Variants in POLR1C observed in about 807,000 individuals in gnomAD.
POLR1C encodes RNA polymerase I and III subunit C.
POLR1C carries 42 observed loss-of-function variants against 38.3 expected under a neutral mutation model. The ratio of observed to expected loss-of-function variants is 1.10; its 90% confidence interval spans 0.86 to 1.42. The LOEUF (loss-of-function observed/expected upper bound fraction) is 1.42. POLR1C is among the 40% of genes most tolerant of loss of function. POLR1C has a pLI of 0.00. For missense variants in POLR1C, 507 were observed against 450.5 expected (o/e 1.13, Z -1.14); for synonymous variants, 163 against 163.9 (o/e 0.99, Z 0.04).
intron 10 of POLR1C, chr6:43,555,583 C>A: frequency 3.4e-6 from 1 of 291,858 alleles, no homozygotes; most frequent in East Asian, 6.1e-5. Flanking sequence ...TTGGTTGATT[C>A]TGTTAGAAAT....
chr6:43,553,526 TACACACAC>T (rs111634867), intron 10 of POLR1C: 32 of 1,448,022 alleles, frequency 2.2e-5, no homozygotes, highest in Admixed American at 1.5e-4. Flanking sequence ...CACACACACA[TACACACAC>T]ACACACACAC....
intron 8 of POLR1C, chr6:43,528,303 G>A: frequency 1.6e-6 from 2 of 1,288,858 alleles, no homozygotes; most frequent in Admixed American, 2.0e-5. Context: ...AATTAGCCAA[G>A]GATGATTCTA....
downstream of POLR1C, chr6:43,531,423 T>C: frequency 6.6e-7 from 1 of 1,521,346 alleles, no homozygotes; most frequent in Non-Finnish European, 9.1e-7. Flanking sequence ...CCATGGACAT[T>C]CCTATACAAT....
intron 10 of POLR1C, among the ~76,000 whole-genome samples, chr6:43,557,043 G>A (rs370871763): frequency 1.3e-4 from 20 of 150,540 alleles, no homozygotes; most frequent in East Asian, 9.8e-4. Context: ...CAGAAAAATC[G>A]CTTGAACCTC....
chr6:43,544,669 TAATGCTA>T (rs1011339956), intron 9 of POLR1C, among the ~76,000 whole-genome samples: 2 of 152,132 alleles, frequency 1.3e-5, no homozygotes, highest in African/African-American at 4.8e-5. Flanking sequence ...TTCACACTTG[TAATGCTA>T]GCACTTTGGG....
At chr6:43,539,999 A>G (rs143638124) in intron 9 of POLR1C, among the ~76,000 whole-genome samples, 8 of 152,378 alleles carry the variant, frequency 5.3e-5, no homozygotes, top group Non-Finnish European at 1.0e-4. Flanking sequence ...TCACGCCTAT[A>G]ATCCCAATAC....
intron 2 of POLR1C, among the ~76,000 whole-genome samples, chr6:43,518,270 TGATGGTA>T (rs1561856457): frequency 6.6e-6 from 1 of 152,188 alleles, no homozygotes; most frequent in Non-Finnish European, 1.5e-5. Flanking sequence ...GAACTAAGAC[TGATGGTA>T]GAAATAGAGC....
At chr6:43,520,869 C>T in intron 7 of POLR1C, 63 bp from the exon 8 acceptor site, 1 of 1,599,288 alleles carries the variant, frequency 6.3e-7, no homozygotes, top group Non-Finnish European at 8.6e-7. Flanking sequence ...AAAGTATAAC[C>T]TGGTTTGCTA....
At position 43,521,248 on chromosome 6, in the gene POLR1C, T is replaced by TG. The variant is rs754344123; in HGVS notation, c.993dup (p.Lys332GlufsTer8). On this transcript the variant is annotated frameshift_variant, in exon 9 of 9. Transcript: ENST00000642195. LOFTEE classifies it high-confidence loss of function. ...GTGAGTGAAGCCATCAAAGTACTGA[T>TG]GGGGAAGTGCCGGCGCTTCTTGGAT... The TG allele has an allele frequency of 1.9e-6, 3 of 1,613,442 alleles. No individual in the cohort carries two copies. The highest frequency in any genetic ancestry group is 2.2e-5 in the South Asian group (2 of 91,036).
chr6:43,558,712 G>T, intron 10 of POLR1C: 1 of 703,826 alleles, frequency 1.4e-6, no homozygotes, highest in Non-Finnish European at 2.3e-6. Flanking sequence ...ATGAGATATT[G>T]TATGGTAAAT....
intron 9 of POLR1C, chr6:43,549,531 G>A: frequency 6.2e-7 from 1 of 1,613,244 alleles, no homozygotes; most frequent in Non-Finnish European, 8.5e-7. Context: ...TGATGATGGA[G>A]GAACAAGCAT....
downstream of POLR1C, chr6:43,531,499 G>A (rs1403223030): frequency 1.2e-6 from 2 of 1,613,924 alleles, no homozygotes; most frequent in East Asian, 2.2e-5. Context: ...AGAGGGTAGA[G>A]AAGAAACGCT....
At chr6:43,546,110 A>G (rs1794952686) in intron 9 of POLR1C, among the ~76,000 whole-genome samples, 1 of 152,208 alleles carries the variant, frequency 6.6e-6, no homozygotes, top group African/African-American at 2.4e-5. Context: ...TCCTTTGTTT[A>G]GCATGTTCAG....
At chr6:43,519,893 A>G in intron 4 of POLR1C, 55 bp downstream of exon 4, 1 of 1,585,836 alleles carries the variant, frequency 6.3e-7, no homozygotes, top group South Asian at 1.1e-5. Context: ...ATCCTGGTTG[A>G]CTGTGATGTT....
chr6:43,535,451 G>A lies in POLR1C; in HGVS notation c.*4+6092G>A, dbSNP rs571445596. On this transcript the variant is annotated intron_variant, in intron 9 of 10. Transcript: ENST00000607635. ...CTAAAAATATAAAAATTAGCCAGGT[G>A]TGGTGGTGGGTGCCGGGCATGGTAG... Among the ~76,000 whole-genome samples the A allele has an allele frequency of 6.6e-5, 10 of 152,078 alleles. No homozygotes were observed. In the South Asian group the frequency reaches 1.7e-3, roughly 25 times the overall value.
At chr6:43,517,443 T>C (rs1365306439) in intron 2 of POLR1C, 66 bp downstream of exon 2, 1 of 1,373,174 alleles carries the variant, frequency 7.3e-7, no homozygotes. Context: ...GAGCAGCCTG[T>C]GTCTGTCTCA....
At chr6:43,561,993 C>T (rs143416910) in exon 11 of POLR1C, 5 of 313,110 alleles carry the variant, frequency 1.6e-5, no homozygotes, top group African/African-American at 1.1e-4. Context: ...CACAAGAAAC[C>T]AACGTTGACT....
At chr6:43,556,283 G>A (rs1762081016) in intron 10 of POLR1C, among the ~76,000 whole-genome samples, 1 of 152,100 alleles carries the variant, frequency 6.6e-6, no homozygotes, top group African/African-American at 2.4e-5. Flanking sequence ...TAGCACTTTA[G>A]GAGGCCAAGG....
intron 9 of POLR1C, among the ~76,000 whole-genome samples, chr6:43,549,097 C>T (rs1348648431): frequency 1.3e-5 from 2 of 152,188 alleles, no homozygotes; most frequent in African/African-American, 4.8e-5. Context: ...TGGAGTTTCG[C>T]TCGTTGCCCA....
Sources: allele counts gnomAD v4.1 joint callset (sites outside exome capture counted in the v4.1 genomes callset), GRCh38; gene constraint gnomAD v4.1.1; transcripts MANE v1.5; gene names NCBI Gene and HGNC (gene_info 2026-07-23, HGNC 2026-07-21).